Variants in NET1 observed in about 807,000 individuals in gnomAD.
NET1 encodes the protein neuroepithelial cell transforming 1.
In NET1, 42 loss-of-function variants were observed where a neutral mutation model predicts 61.1. The ratio of observed to expected loss-of-function variants is 0.69; its 90% CI spans 0.54 to 0.89. The LOEUF (loss-of-function observed/expected upper bound fraction) is 0.89. Ranked by LOEUF, NET1 falls within the 40% of genes least tolerant of loss-of-function variation. The pLI is 0.00. For synonymous variants in NET1, 254 were observed against 281.8 expected, an observed-to-expected ratio of 0.90 and a Z score of 0.99; for missense variants, 654 against 747.3, an observed-to-expected ratio of 0.88 and a Z score of 1.46.
In NET1 at chr10:5,441,591, A is replaced by G. The variant is rs1832525831; in HGVS notation, c.256-10239A>G. 6.6e-6 allele frequency among the ~76,000 whole-genome samples: 1 copy of G among 152,234 alleles called. No homozygotes were observed. The highest frequency in any genetic ancestry group is 2.4e-5 in the African/African-American group (1 of 41,462). ...GTGCTGATACCCCATTTGATTGGCT[A>G]TTTGTGTTGTCATCGCACAAAAGAA... On this transcript the variant is annotated intron_variant, in intron 3 of 11. Transcript: ENST00000355029. The surrounding 1 kb of genome is among the most constrained non-coding windows in gnomAD (Gnocchi z 4.6).
chr10:5,456,376 C>G lies in NET1; in HGVS notation c.1384+103C>G. 8.3e-7 allele frequency: 1 copy of G among 1,202,634 alleles called. No individual in the cohort carries two copies. Among genetic ancestry groups the G allele is most frequent in the Non-Finnish European group, 1.1e-6 (1 of 880,216 alleles). 74.5% of individuals were successfully genotyped at this position (1,202,634 alleles called of 1,614,324 possible). A position where few individuals can be genotyped will look rare whatever the true frequency, so the allele number is the denominator to read the frequency against. ...CTAGAGATGAAATGGCTCCATTGTCCTATACTTGTTACATCCATTGAGTTG... is the reference window on the plus strand; with the variant it reads ...CTAGAGATGAAATGGCTCCATTGTCGTATACTTGTTACATCCATTGAGTTG... On this transcript the variant is annotated intron_variant, in intron 11 of 11. Transcript: ENST00000355029. This position sits in a 1 kb window ranked among gnomAD's most constrained non-coding sequence, Gnocchi z 7.0.
intron 3 of NET1, among the ~76,000 whole-genome samples, chr10:5,448,230 C>T (rs1308794631): frequency 2.6e-5 from 4 of 152,126 alleles, no homozygotes; most frequent in Non-Finnish European, 5.9e-5. Flanking sequence ...AGAGACCCTC[C>T]TAAAATATGT....
chr10:5,429,153 C>G lies in NET1; in HGVS notation c.196-17C>G, dbSNP rs1832308516. 6.4e-7 allele frequency: 1 copy of G among 1,574,042 alleles called. No homozygotes were observed. Among genetic ancestry groups the G allele is most frequent in the African/African-American group, 1.4e-5 (1 of 73,736 alleles). ...CATTCCTTTTATATGAGAATGAAAT[C>G]TCTATTTTTCTTTTAGAAAAGAAAA... On this transcript the variant is annotated splice_polypyrimidine_tract_variant and intron_variant, in intron 2 of 11. Transcript: ENST00000355029.
At chr10:5,445,085 C>A (rs1417966750) in intron 3 of NET1, among the ~76,000 whole-genome samples, 4 of 152,172 alleles carry the variant, frequency 2.6e-5, no homozygotes, top group Non-Finnish European at 5.9e-5. Context: ...ATCTTAAACA[C>A]CAGTCACATA....
rs1832734013 is a variant in NET1, at chr10:5,453,041, A to AT, written c.594+129dup. On this transcript the variant is annotated intron_variant, in intron 6 of 11. Transcript: ENST00000355029. This position sits in a 1 kb window ranked among gnomAD's most constrained non-coding sequence, Gnocchi z 4.9. ...ATAGAAAATATCTACTGGTGAATAC[A>AT]TTTTTTTTAGGTGAGGTCTAGACAC... is the stretch of plus-strand genomic sequence containing the variant. The AT allele has an allele frequency of 2.0e-5, 16 of 787,324 alleles. No homozygotes were observed. The highest frequency in any genetic ancestry group is 5.0e-5 in the South Asian group (3 of 60,496). The allele number at this position is 787,324 out of a possible 1,614,324, so 48.8% of individuals were successfully genotyped here.
chr10:5,455,192 G>A lies in NET1; in HGVS notation c.1197+74G>A. 6.9e-7 allele frequency: 1 copy of A among 1,455,394 alleles called. No homozygotes were observed. Among genetic ancestry groups the A allele is most frequent in the Non-Finnish European group, 9.6e-7 (1 of 1,045,856 alleles). 90.2% of individuals were successfully genotyped at this position (1,455,394 alleles called of 1,614,324 possible). On this transcript the variant is annotated intron_variant, in intron 10 of 11. Transcript: ENST00000355029. This position sits in a 1 kb window ranked among gnomAD's most constrained non-coding sequence, Gnocchi z 6.5. ...TTAACTTTTACACGTTTGTTATGAA[G>A]CAGGCTTGTAAAGGGAAAGTCATGA...
Position 5,458,165 on chromosome 10 carries a change from G to C in NET1, c.*1171G>C. ...AGTTTGAAAAGAAACAATGAAATGTGTTAAAAATTTGACCATATTAGATAA... is the reference window on the plus strand; with the variant it reads ...AGTTTGAAAAGAAACAATGAAATGTCTTAAAAATTTGACCATATTAGATAA... On this transcript the variant is annotated 3_prime_UTR_variant, in exon 12 of 12. Coordinates refer to ENST00000355029, the MANE Select transcript of NET1 (RefSeq NM_001047160.3). This position sits in a 1 kb window ranked among gnomAD's most constrained non-coding sequence, Gnocchi z 4.5. 1 of 152,264 alleles carries C rather than the reference G, an allele frequency of 6.6e-6. No individual in the cohort carries two copies. The highest frequency in any genetic ancestry group is 2.4e-5 in the African/African-American group (1 of 41,546). The allele number at this position is 152,264 out of a possible 1,614,324, so 9.4% of individuals were successfully genotyped here. A position where few individuals can be genotyped will look rare whatever the true frequency, so the allele number is the denominator to read the frequency against.
At chr10:5,445,980 A>T (rs1341241136) in intron 3 of NET1, among the ~76,000 whole-genome samples, 2 of 152,192 alleles carry the variant, frequency 1.3e-5, no homozygotes, top group Non-Finnish European at 1.5e-5. Context: ...TCAAGTTTTT[A>T]AAAAGATCCA....
intron 3 of NET1, among the ~76,000 whole-genome samples, chr10:5,429,975 CAA>C (rs1387870375): frequency 6.6e-6 from 1 of 152,052 alleles, no homozygotes; most frequent in African/African-American, 2.4e-5. Flanking sequence ...TTTTTAAAGA[CAA>C]GATATTTTCT....
chr10:5,436,202 G>A (rs1832430971), intron 3 of NET1, among the ~76,000 whole-genome samples: 2 of 89,756 alleles, frequency 2.2e-5, no homozygotes, highest in Non-Finnish European at 4.3e-5. Context: ...GTGTGTGTGT[G>A]TGTGTGTGTG....
rs976375629 is a variant in NET1 at position 5,441,648 on chromosome 10, C to T, written c.256-10182C>T. Among the ~76,000 whole-genome samples, 2 of 152,182 alleles carry T rather than the reference C, an allele frequency of 1.3e-5. No individual in the cohort carries two copies. The highest frequency in any genetic ancestry group is 4.8e-5 in the African/African-American group (2 of 41,448). On this transcript the variant is annotated intron_variant, in intron 3 of 11. Transcript: ENST00000355029. The surrounding 1 kb of genome is among the most constrained non-coding windows in gnomAD (Gnocchi z 4.6). Reference sequence around the variant, plus strand: ...TTTTGACAATACCAAACTTATTAGCCTATGAGACTATTTTATTTAAAGTGT... The same window carrying T: ...TTTTGACAATACCAAACTTATTAGCTTATGAGACTATTTTATTTAAAGTGT...
At chr10:5,413,581 T>C (rs1832036695) in intron 1 of NET1, among the ~76,000 whole-genome samples, 1 of 152,116 alleles carries the variant, frequency 6.6e-6, no homozygotes, top group African/African-American at 2.4e-5. Context: ...AGAAAGAATT[T>C]CAAGAAGAGG....
chr10:5,445,105 A>G (rs1189465973), intron 3 of NET1, among the ~76,000 whole-genome samples: 1 of 152,220 alleles, frequency 6.6e-6, no homozygotes, highest in Non-Finnish European at 1.5e-5. Context: ...ATATCTTATT[A>G]CAACATAGCT....
In NET1 at chr10:5,424,630, T is replaced by C. The variant is rs748414612; in HGVS notation, c.129-2025T>C. ...CACTAAAGAGGCCGTCAAAAATAGTTTGAGCTCCATGAGTAGTCTTCCTGT... is the reference window on the plus strand; with the variant it reads ...CACTAAAGAGGCCGTCAAAAATAGTCTGAGCTCCATGAGTAGTCTTCCTGT... On this transcript the variant is annotated intron_variant, in intron 1 of 11. Coordinates refer to ENST00000355029, the MANE Select transcript of NET1 (RefSeq NM_001047160.3). The surrounding 1 kb of genome is among the most constrained non-coding windows in gnomAD (Gnocchi z 6.1). Among the ~76,000 whole-genome samples, 4 of 152,182 alleles carry C rather than the reference T, an allele frequency of 2.6e-5. No homozygotes were observed. The highest frequency in any genetic ancestry group is 9.7e-5 in the African/African-American group (4 of 41,444).
chr10:5,433,333 T>G (rs1832378059), intron 3 of NET1, among the ~76,000 whole-genome samples: 1 of 152,194 alleles, frequency 6.6e-6, no homozygotes, highest in Admixed American at 6.5e-5. Context: ...ATGTGACTGA[T>G]CTCTCTATGT....
rs1832505843 is a variant in NET1, at chr10:5,440,333, A to G, written c.255+11104A>G. ...GAGGATTGAAAAGAACACATAGGCC[A>G]GATCAGTAACCACAACCATAACCAT... On this transcript the variant is annotated intron_variant, in intron 3 of 11. Transcript: ENST00000355029. The surrounding 1 kb of genome is among the most constrained non-coding windows in gnomAD (Gnocchi z 4.1). Among the ~76,000 whole-genome samples, 1 of 152,242 alleles carries G rather than the reference A, an allele frequency of 6.6e-6. No individual in the cohort carries two copies. The highest frequency in any genetic ancestry group is 2.1e-4 in the South Asian group (1 of 4,834).
At chr10:5,448,133 A>T (rs4456171) in intron 3 of NET1, among the ~76,000 whole-genome samples, 2 of 152,106 alleles carry the variant, frequency 1.3e-5, no homozygotes, top group African/African-American at 2.4e-5. Flanking sequence ...TTTTAAGAGA[A>T]GATTATTTAA....
rs983608833 is a variant in NET1 at position 5,458,993 on chromosome 10, C to T, written c.*1999C>T. Among the ~76,000 whole-genome samples the T allele has an allele frequency of 1.3e-5, 2 of 152,074 alleles. No individual in the cohort carries two copies. Among genetic ancestry groups the T allele is most frequent in the Non-Finnish European group, 2.9e-5 (2 of 67,998 alleles). On this transcript the variant is annotated 3_prime_UTR_variant, in exon 12 of 12. Coordinates refer to ENST00000355029, the MANE Select transcript of NET1 (RefSeq NM_001047160.3). This position sits in a 1 kb window ranked among gnomAD's most constrained non-coding sequence, Gnocchi z 4.5. ...TAAAACCGTATCTTCTTTTGGTTCC[C>T]TCAAAGGTAAAAATAAGACCCAGAA...
In NET1 at chr10:5,439,389, T is replaced by C. The variant is rs551947714; in HGVS notation, c.255+10160T>C. Among the ~76,000 whole-genome samples, 2 of 152,238 alleles carry C rather than the reference T, an allele frequency of 1.3e-5. No individual in the cohort carries two copies. Among genetic ancestry groups the C allele is most frequent in the South Asian group, 4.1e-4 (2 of 4,824 alleles). On this transcript the variant is annotated intron_variant, in intron 3 of 11. Transcript: ENST00000355029. The surrounding 1 kb of genome is among the most constrained non-coding windows in gnomAD (Gnocchi z 4.8). ...ACCTACTCCACCCCTAGATGAAGAG[T>C]TGAAAGAGAAGTACCAGTGTAATGT...
Sources: gnomAD v4.1 joint callset for allele counts (sites outside exome capture counted in the v4.1 genomes callset) on GRCh38, gnomAD v4.1.1 for gene constraint, Gnocchi (gnomAD v3.1) non-coding constraint, MANE v1.5 for transcripts, NCBI Gene and HGNC (gene_info 2026-07-23, HGNC 2026-07-21) for gene names.